FNDC3B: variants seen among roughly 807,000 people sequenced by gnomAD.
The protein encoded by FNDC3B is fibronectin type III domain-containing protein 3B.
A neutral mutation model predicts 151.5 loss-of-function variants in FNDC3B; 12 were observed. The ratio of observed to expected loss-of-function variants is 0.08; its 90% CI spans 0.05 to 0.13. FNDC3B has a LOEUF of 0.13. FNDC3B is among the 10% of genes least tolerant of loss of function. The pLI, the probability that FNDC3B is intolerant of heterozygous loss-of-function variation, is 1.00. For missense variants in FNDC3B, 1,214 were observed against 1,505.3 expected (o/e 0.81, Z 3.20); for synonymous variants, 528 against 549.0 (o/e 0.96, Z 0.54).
chr3:172,357,432 ACTT>A (rs973466325), intron 22 of FNDC3B, among the ~76,000 whole-genome samples: 2 of 152,186 alleles, frequency 1.3e-5, no homozygotes, highest in African/African-American at 4.8e-5. Flanking sequence ...TAAAGAGAAA[ACTT>A]CTCAAGTTTG....
At chr3:172,238,723 G>C (rs1727297834) in intron 4 of FNDC3B, among the ~76,000 whole-genome samples, 1 of 152,120 alleles carries the variant, frequency 6.6e-6, no homozygotes, top group African/African-American at 2.4e-5. Context: ...AGAAAATGCA[G>C]AGGGAAGAGT....
intron 3 of FNDC3B, among the ~76,000 whole-genome samples, chr3:172,199,738 T>C (rs1000129947): frequency 5.3e-5 from 8 of 152,194 alleles, no homozygotes; most frequent in Admixed American, 1.3e-4. Flanking sequence ...TGGAAATAAA[T>C]GTGAGCTATA....
At chr3:172,138,194 C>G (rs1256177892) in intron 3 of FNDC3B, among the ~76,000 whole-genome samples, 1 of 152,226 alleles carries the variant, frequency 6.6e-6, no homozygotes, top group Non-Finnish European at 1.5e-5. Context: ...TCTGGAGGAG[C>G]AGGTAGAGGT....
At chr3:172,072,510 CCTGTTTGATCA>C in intron 1 of FNDC3B, among the ~76,000 whole-genome samples, 2 of 152,212 alleles carry the variant, frequency 1.3e-5, no homozygotes, top group South Asian at 4.2e-4. Context: ...ACAACAAAAT[CCTGTTTGATCA>C]CCAACCTGGG....
chr3:172,399,244 A>G lies in FNDC3B; in HGVS notation c.*1769A>G, dbSNP rs1458921422. ...ATTTTTTAAGTGTACTTATGTACTA[A>G]TTTTCCCTTGTAGCATGTTATATTT... On this transcript the variant is annotated 3_prime_UTR_variant, in exon 26 of 26. Transcript: ENST00000415807. The G allele has an allele frequency of 6.6e-6, 1 of 152,442 alleles. No homozygotes were observed. Among genetic ancestry groups the G allele is most frequent in the African/African-American group, 2.4e-5 (1 of 41,370 alleles). The allele number at this position is 152,442 out of a possible 1,614,324, so 9.4% of individuals were successfully genotyped here.
At chr3:172,052,765 G>A (rs1418054802) in intron 1 of FNDC3B, among the ~76,000 whole-genome samples, 2 of 152,158 alleles carry the variant, frequency 1.3e-5, no homozygotes, top group African/African-American at 4.8e-5. Context: ...ACTCGGAGTT[G>A]GGGAGTTGGC....
chr3:172,093,553 C>T (rs1413667602), intron 1 of FNDC3B, among the ~76,000 whole-genome samples: 2 of 152,096 alleles, frequency 1.3e-5, no homozygotes, highest in African/African-American at 2.4e-5. Context: ...TCACCGCGCC[C>T]GGCCCCATCT....
intron 3 of FNDC3B, among the ~76,000 whole-genome samples, chr3:172,188,426 A>G (rs1724317266): frequency 6.7e-6 from 1 of 148,562 alleles, no homozygotes; most frequent in African/African-American, 2.5e-5. Flanking sequence ...TGTTTGTTTG[A>G]GATGGAGTCT....
At chr3:172,313,384 C>T (rs1037096661) in intron 11 of FNDC3B, among the ~76,000 whole-genome samples, 5 of 152,302 alleles carry the variant, frequency 3.3e-5, no homozygotes, top group African/African-American at 7.2e-5. Flanking sequence ...TAGTTTTTTC[C>T]ATCTGTGAAA....
chr3:172,233,198 C>T (rs1316114967), intron 4 of FNDC3B, among the ~76,000 whole-genome samples: 1 of 152,086 alleles, frequency 6.6e-6, no homozygotes, highest in African/African-American at 2.4e-5. Flanking sequence ...CATATTGACC[C>T]AAGGATTTAA....
chr3:172,338,303 ACT>A (rs1733094338), intron 16 of FNDC3B: 1 of 105,440 alleles, frequency 9.5e-6, no homozygotes, highest in African/African-American at 3.7e-5. Flanking sequence ...ACAGAGTGAG[ACT>A]CTGTCTCAAA....
chr3:172,187,559 A>G lies in FNDC3B; in HGVS notation c.188-39312A>G, dbSNP rs570908175. On this transcript the variant is annotated intron_variant, in intron 3 of 25. Coordinates refer to ENST00000415807, the MANE Select transcript of FNDC3B (RefSeq NM_022763.4). Reference sequence around the variant, plus strand: ...TTTAGTAAAAATTGAAGACATAATTATCCAGTTACTTCTACAACTTTTAAA... The same window carrying G: ...TTTAGTAAAAATTGAAGACATAATTGTCCAGTTACTTCTACAACTTTTAAA... 4.6e-5 allele frequency among the ~76,000 whole-genome samples: 7 copies of G among 152,374 alleles called. No individual in the cohort carries two copies. In the East Asian group the frequency reaches 1.2e-3, roughly 25 times the overall value.
chr3:172,386,369 TTG>T (rs1348055385), intron 25 of FNDC3B, among the ~76,000 whole-genome samples: 1 of 152,170 alleles, frequency 6.6e-6, no homozygotes, highest in Non-Finnish European at 1.5e-5. Context: ...GATCAACAAA[TTG>T]TGAGAAATTA....
chr3:172,378,233 C>A (rs80117697), intron 23 of FNDC3B, 37 bp from the exon 24 acceptor site: 804 of 1,526,884 alleles, frequency 5.3e-4, no homozygotes, highest in Non-Finnish European at 6.8e-4. Context: ...CATTAGTAGA[C>A]GTTCAGATGG....
chr3:172,164,473 A>G (rs1206447741), intron 3 of FNDC3B, among the ~76,000 whole-genome samples: 1 of 152,210 alleles, frequency 6.6e-6, no homozygotes, highest in Non-Finnish European at 1.5e-5. Context: ...TGTGGGCCAA[A>G]GTGCTGAAAG....
chr3:172,067,371 T>A (rs1025975815), intron 1 of FNDC3B, among the ~76,000 whole-genome samples: 2 of 152,186 alleles, frequency 1.3e-5, no homozygotes, highest in Non-Finnish European at 2.9e-5. Flanking sequence ...GGTGTGGAGA[T>A]GAGTTTGTCT....
chr3:172,149,836 T>G (rs1221900028), intron 3 of FNDC3B, among the ~76,000 whole-genome samples: 1 of 71,112 alleles, frequency 1.4e-5, no homozygotes, highest in Non-Finnish European at 2.8e-5. Flanking sequence ...TTTTTTTTTT[T>G]GAGACAGAGT....
chr3:172,133,304 ACTC>A (rs1179417612), intron 2 of FNDC3B, among the ~76,000 whole-genome samples, 164 bp from the exon 3 acceptor site: 3 of 152,138 alleles, frequency 2.0e-5, no homozygotes, highest in African/African-American at 7.2e-5. Context: ...GAATGCATGT[ACTC>A]CTCCTACCCC....
intron 11 of FNDC3B, among the ~76,000 whole-genome samples, chr3:172,317,003 G>C (rs1731817579): frequency 6.6e-6 from 1 of 152,194 alleles, no homozygotes; most frequent in Admixed American, 6.5e-5. Context: ...AAGCGTGAGA[G>C]AGGGAAGGGA....
Sources: gnomAD v4.1 joint callset for allele counts (sites outside exome capture counted in the v4.1 genomes callset) on GRCh38, gnomAD v4.1.1 for gene constraint, MANE v1.5 for transcripts, NCBI Gene and HGNC (gene_info 2026-07-23, HGNC 2026-07-21) for gene names.